CHRNA3: variants seen among roughly 807,000 people sequenced by gnomAD.
The protein encoded by CHRNA3 is neuronal acetylcholine receptor subunit alpha-3.
Under a neutral mutation model 41.9 loss-of-function variants are expected in CHRNA3, and 34 were observed. The ratio of observed to expected loss-of-function variants is 0.81; its 90% CI spans 0.62 to 1.08. The LOEUF is 1.08. Ranked by LOEUF, CHRNA3 falls within the 50% of genes least tolerant of loss-of-function variation. CHRNA3 has a pLI of 0.00. For missense variants in CHRNA3, 542 were observed against 638.3 expected (o/e 0.85, Z 1.63); for synonymous variants, 281 against 265.2 (o/e 1.06, Z -0.58).
chr15:78,596,766 G>T, intron 5 of CHRNA3, 34 bp from the exon 6 acceptor site: 1 of 1,581,984 alleles, frequency 6.3e-7, no homozygotes, highest in South Asian at 1.2e-5. Flanking sequence ...AAAAAAACAT[G>T]GAGGGAAAGG....
At chr15:78,602,305 A>T (rs1303580112) in intron 4 of CHRNA3, 41 bp from the exon 5 acceptor site, 3 of 1,588,100 alleles carry the variant, frequency 1.9e-6, no homozygotes, top group Non-Finnish European at 2.6e-6. Context: ...CACGGTCATT[A>T]ACACTTGGTC....
chr15:78,615,354 C>A (rs62010331), intron 4 of CHRNA3, among the ~76,000 whole-genome samples: 1,613 of 152,282 alleles, frequency 0.011, 14 homozygotes, highest in Admixed American at 0.017. Flanking sequence ...CAGGCAGAGA[C>A]AGGCTGGGGT....
intron 4 of CHRNA3, among the ~76,000 whole-genome samples, chr15:78,605,770 G>A (rs2053274233): frequency 6.6e-6 from 1 of 152,112 alleles, no homozygotes; most frequent in African/African-American, 2.4e-5. Flanking sequence ...TAAGAAGTGG[G>A]GATGAGAAGA....
At chr15:78,614,054 A>C (rs113244795) in intron 4 of CHRNA3, among the ~76,000 whole-genome samples, 101 of 152,312 alleles carry the variant, frequency 6.6e-4, no homozygotes, top group African/African-American at 2.2e-3. Context: ...GATTTTCTCT[A>C]AATGTTATTT....
chr15:78,609,824 C>A (rs1403528613), intron 4 of CHRNA3, among the ~76,000 whole-genome samples: 2 of 152,140 alleles, frequency 1.3e-5, no homozygotes, highest in Admixed American at 6.5e-5. Flanking sequence ...GTGCTGTATT[C>A]AGGAAACCCA....
downstream of CHRNA3, chr15:78,593,120 A>G (rs202052590): frequency 3.5e-5 from 56 of 1,611,666 alleles, no homozygotes; most frequent in Non-Finnish European, 4.7e-5. Context: ...TTCATAGCCC[A>G]GGTTCTTGAT....
chr15:78,597,440 AAAAT>A (rs35211613), intron 5 of CHRNA3, among the ~76,000 whole-genome samples: 58,450 of 151,564 alleles, frequency 0.39, 11,559 homozygotes, highest in Non-Finnish European at 0.42. Flanking sequence ...CAAAAACAAC[AAAAT>A]AAATTTCCTT....
chr15:78,604,596 A>C (rs1459245240), intron 4 of CHRNA3, among the ~76,000 whole-genome samples: 2 of 152,170 alleles, frequency 1.3e-5, no homozygotes, highest in Non-Finnish European at 2.9e-5. Flanking sequence ...GGGCAGTGTC[A>C]ACAGTCATAT....
rs754395587 is a variant in CHRNA3 at position 78,601,791 on chromosome 15, G to A, written c.851C>T (p.Thr284Met). The change falls in exon 5 of 6, where the codon ACG becomes ATG. Residue 284 changes from threonine (T) to methionine (M), a missense_variant. By Grantham distance (81) the Thr-to-Met change is moderately conservative. Transcript: ENST00000326828. ...CTCAGTGATCACCAGGAGAAACACC[G>A]TCAGGGAGAGGAGGACAGAAATGCA... ...TLCISVLLSL[T>M]VFLLVITETI... 7 of 1,614,126 alleles carry A rather than the reference G, an allele frequency of 4.3e-6. No individual in the cohort carries two copies. The highest frequency in any genetic ancestry group is 1.1e-5 in the South Asian group (1 of 91,084).
At chr15:78,619,221 C>A in intron 1 of CHRNA3, 1 of 444,124 alleles carries the variant, frequency 2.3e-6, no homozygotes, top group East Asian at 4.2e-5. Flanking sequence ...TGAGCTTAGG[C>A]AAGTGGCTTA....
At chr15:78,620,399 A>G in intron 1 of CHRNA3, 1 of 223,414 alleles carries the variant, frequency 4.5e-6, no homozygotes, top group South Asian at 7.1e-5. Context: ...CAGCGCGGGG[A>G]CGCGAATCCC....
intron 4 of CHRNA3, among the ~76,000 whole-genome samples, chr15:78,615,024 G>A (rs1193594860): frequency 2.6e-5 from 4 of 152,162 alleles, no homozygotes; most frequent in Admixed American, 2.0e-4. Flanking sequence ...GAGACTGGAA[G>A]TGGCCCACTG....
intron 4 of CHRNA3, among the ~76,000 whole-genome samples, chr15:78,603,693 T>G (rs2141328525): frequency 6.6e-6 from 1 of 152,100 alleles, no homozygotes; most frequent in Middle Eastern, 3.4e-3. Context: ...CTTGCTAGTC[T>G]CTCCTGGGTC....
At chr15:78,606,036 AC>A (rs1373902478) in intron 4 of CHRNA3, among the ~76,000 whole-genome samples, 1 of 152,154 alleles carries the variant, frequency 6.6e-6, no homozygotes, top group Non-Finnish European at 1.5e-5. Flanking sequence ...TAAGAAAAAC[AC>A]AAACTGGGTA....
At chr15:78,593,220 A>C, downstream of CHRNA3, 1 of 1,612,858 alleles carries the variant, frequency 6.2e-7, no homozygotes, top group Admixed American at 1.7e-5. Context: ...CAAATATATT[A>C]ATACCAGTTC....
intron 4 of CHRNA3, among the ~76,000 whole-genome samples, chr15:78,602,979 C>A (rs1423963125): frequency 3.9e-5 from 6 of 152,152 alleles, no homozygotes; most frequent in African/African-American, 1.4e-4. Flanking sequence ...CTTCTCCCTT[C>A]CTTTTCACTA....
intron 3 of CHRNA3, among the ~76,000 whole-genome samples, chr15:78,618,009 G>A (rs2053490935): frequency 6.6e-6 from 1 of 152,230 alleles, no homozygotes; most frequent in Admixed American, 6.5e-5. Context: ...CACTTTGGGA[G>A]GCTGAGGTGT....
chr15:78,596,763 C>G (rs994119167), intron 5 of CHRNA3, 31 bp from the exon 6 acceptor site: 2 of 1,582,858 alleles, frequency 1.3e-6, no homozygotes, highest in Non-Finnish European at 1.7e-6. Context: ...AGAAAAAAAA[C>G]ATGGAGGGAA....
intron 4 of CHRNA3, among the ~76,000 whole-genome samples, chr15:78,613,568 T>C (rs1299092193): frequency 2.7e-5 from 2 of 73,182 alleles, no homozygotes; most frequent in African/African-American, 1.1e-4. Context: ...CAGGGACTGT[T>C]GTGGGGTGGG....
Sources: allele counts gnomAD v4.1 joint callset (sites outside exome capture counted in the v4.1 genomes callset), GRCh38; gene constraint gnomAD v4.1.1; transcripts MANE v1.5; gene names NCBI Gene and HGNC (gene_info 2026-07-23, HGNC 2026-07-21).